TNNI3K: variants seen among roughly 807,000 people sequenced by gnomAD.
TNNI3K encodes TNNI3 interacting kinase.
A neutral mutation model predicts 114.5 loss-of-function variants in TNNI3K; 140 were observed. The ratio of observed to expected loss-of-function variants is 1.22; its 90% confidence interval spans 1.07 to 1.41. The LOEUF (loss-of-function observed/expected upper bound fraction) is 1.41, where lower values mean the gene tolerates loss of function less well. Ranked by LOEUF, TNNI3K falls within the 40% of genes most tolerant of loss-of-function variation. TNNI3K has a pLI of 0.00. For missense variants in TNNI3K, 1,125 were observed against 1,007.6 expected, an observed-to-expected ratio of 1.12 and a Z score of -1.58; for synonymous variants, 347 against 347.5, an observed-to-expected ratio of 1.00 and a Z score of 0.02.
chr1:74,455,531 G>T (rs923250122), intron 20 of TNNI3K, among the ~76,000 whole-genome samples: 6 of 152,178 alleles, frequency 3.9e-5, no homozygotes, highest in African/African-American at 1.4e-4. Flanking sequence ...GTGATTTATT[G>T]TGGTAATTGA....
At chr1:74,391,137 G>C (rs1262139164) in intron 17 of TNNI3K, among the ~76,000 whole-genome samples, 1 of 152,160 alleles carries the variant, frequency 6.6e-6, no homozygotes, top group Non-Finnish European at 1.5e-5. Context: ...AAGCAAGAGA[G>C]AAACATGGTC....
intron 5 of TNNI3K, among the ~76,000 whole-genome samples, chr1:74,323,826 G>C (rs1268038567): frequency 6.6e-6 from 1 of 152,098 alleles, no homozygotes; most frequent in Non-Finnish European, 1.5e-5. Flanking sequence ...AGAATTACAG[G>C]AAACAAAGGA....
At chr1:74,349,616 T>C (rs1460108517) in intron 9 of TNNI3K, among the ~76,000 whole-genome samples, 1 of 152,234 alleles carries the variant, frequency 6.6e-6, no homozygotes, top group Non-Finnish European at 1.5e-5. Context: ...TTTTTTTGGT[T>C]GGTAAGCTAT....
At chr1:74,256,283 C>CTTTTTTTTTTTTTTTTT (rs61636791) in intron 4 of TNNI3K, among the ~76,000 whole-genome samples, 8 of 42,780 alleles carry the variant, frequency 1.9e-4, no homozygotes, top group Admixed American at 3.3e-4. Flanking sequence ...TGTGGTCAGT[C>CTTTTTTTTTTTTTTTTT]TTTTTTTTTT....
chr1:74,294,696 TAA>T (rs1247607934), intron 5 of TNNI3K, among the ~76,000 whole-genome samples: 3 of 152,120 alleles, frequency 2.0e-5, no homozygotes, highest in Non-Finnish European at 4.4e-5. Context: ...AATTTGATCA[TAA>T]GTGCTTCATT....
intron 17 of TNNI3K, among the ~76,000 whole-genome samples, chr1:74,422,356 GA>G (rs1409056498): frequency 6.6e-6 from 1 of 151,748 alleles, no homozygotes; most frequent in Non-Finnish European, 1.5e-5. Context: ...TTTCTTTACT[GA>G]AAAAACACTA....
intron 21 of TNNI3K, chr1:74,483,511 G>C: frequency 1.9e-6 from 1 of 514,182 alleles, no homozygotes; most frequent in Non-Finnish European, 3.5e-6. Context: ...TAAGATGCCA[G>C]GTAAATAACT....
chr1:74,270,793 T>G (rs1029268933), intron 4 of TNNI3K, among the ~76,000 whole-genome samples: 3 of 151,760 alleles, frequency 2.0e-5, no homozygotes, highest in Non-Finnish European at 4.4e-5. Context: ...GGCTTAAACA[T>G]GGAAATCTTT....
intron 23 of TNNI3K, among the ~76,000 whole-genome samples, chr1:74,507,554 G>A (rs1038944820): frequency 6.6e-6 from 1 of 152,126 alleles, no homozygotes; most frequent in African/African-American, 2.4e-5. Flanking sequence ...GGATATATGT[G>A]TATTGAATGA....
rs1186055628 is a variant in TNNI3K, at chr1:74,543,922, C to G, written c.2448C>G (p.Pro816=). 6.2e-7 allele frequency: 1 copy of G among 1,613,476 alleles called. No individual in the cohort carries two copies. Among genetic ancestry groups the G allele is most frequent in the Non-Finnish European group, 8.5e-7 (1 of 1,179,762 alleles). Residue 816 remains proline (P), a synonymous_variant, in exon 25 of 25, where the codon CCC becomes CCG. Coordinates refer to ENST00000326637, the MANE Select transcript of TNNI3K (RefSeq NM_015978.3). ...PIDKYGYVSD[P]MSSMHFHSCR... ...CTGATGCAGGCTATGTATCCGATCC[C>G]ATGAGCTCAATGCATTTTCATTCTT... is the stretch of plus-strand genomic sequence containing the variant.
At chr1:74,416,776 A>G (rs1665136490) in intron 17 of TNNI3K, among the ~76,000 whole-genome samples, 1 of 152,086 alleles carries the variant, frequency 6.6e-6, no homozygotes, top group Admixed American at 6.6e-5. Flanking sequence ...TTTGACTGGT[A>G]GTAATGTTAT....
chr1:74,525,677 A>C (rs1646494826), intron 23 of TNNI3K, among the ~76,000 whole-genome samples: 1 of 152,230 alleles, frequency 6.6e-6, no homozygotes, highest in African/African-American at 2.4e-5. Context: ...AAGCTTAATA[A>C]ATAACCAATA....
chr1:74,395,025 C>T (rs1234757003), intron 17 of TNNI3K, among the ~76,000 whole-genome samples: 1 of 147,120 alleles, frequency 6.8e-6, no homozygotes, highest in Non-Finnish European at 1.5e-5. Context: ...GCCTGGGCGA[C>T]AGAGCAAGAC....
chr1:74,418,386 A>T (rs554236127), intron 17 of TNNI3K: 1 of 173,964 alleles, frequency 5.7e-6, no homozygotes, highest in South Asian at 1.1e-4. Flanking sequence ...TCTTCAATTT[A>T]TTTAGACAGC....
chr1:74,428,158 C>T (rs979430894), intron 17 of TNNI3K, among the ~76,000 whole-genome samples: 5 of 151,900 alleles, frequency 3.3e-5, no homozygotes, highest in African/African-American at 1.2e-4. Context: ...CCATGGTTTC[C>T]AAGAGTTCAC....
intron 17 of TNNI3K, chr1:74,418,083 G>A (rs1665216926): frequency 2.5e-6 from 1 of 397,390 alleles, no homozygotes; most frequent in African/African-American, 2.1e-5. Flanking sequence ...TTCAAGCAAT[G>A]GAAATACAAG....
intron 11 of TNNI3K, among the ~76,000 whole-genome samples, chr1:74,362,908 A>G (rs1662045637): frequency 6.6e-6 from 1 of 152,124 alleles, no homozygotes; most frequent in Non-Finnish European, 1.5e-5. Flanking sequence ...CACATTTGCC[A>G]AAACCCTCAG....
intron 23 of TNNI3K, among the ~76,000 whole-genome samples, chr1:74,524,141 C>G (rs935552894): frequency 6.6e-6 from 1 of 152,250 alleles, no homozygotes; most frequent in Non-Finnish European, 1.5e-5. Flanking sequence ...GCAGTGCCCA[C>G]AAAGGCTCCA....
At chr1:74,253,342 C>T (rs1250798850) in intron 4 of TNNI3K, among the ~76,000 whole-genome samples, 1 of 152,194 alleles carries the variant, frequency 6.6e-6, no homozygotes, top group East Asian at 1.9e-4. Context: ...TGCCTGCACT[C>T]CTCAGCCCTT....
Sources: allele counts gnomAD v4.1 joint callset (sites outside exome capture counted in the v4.1 genomes callset), GRCh38; gene constraint gnomAD v4.1.1; transcripts MANE v1.5; gene names NCBI Gene and HGNC (gene_info 2026-07-23, HGNC 2026-07-21).